Variants in ADNP observed in about 807,000 individuals in gnomAD.
ADNP encodes activity dependent neuroprotector homeobox.
A neutral mutation model predicts 84.9 loss-of-function variants in ADNP; 4 were observed. That is an observed-to-expected ratio of 0.05 (90% CI 0.02 to 0.11). The LOEUF (loss-of-function observed/expected upper bound fraction) is 0.11. Ranked by LOEUF, ADNP falls within the 10% of genes least tolerant of loss-of-function variation. The pLI is 1.00. For synonymous variants in ADNP, 554 were observed against 468.1 expected (o/e 1.18, Z -2.37); for missense variants, 1,132 against 1,326.0 (o/e 0.85, Z 2.27).
intron 2 of ADNP, among the ~76,000 whole-genome samples, chr20:50,926,644 T>G (rs964977390): frequency 6.6e-6 from 1 of 152,192 alleles, no homozygotes; most frequent in African/African-American, 2.4e-5. Context: ...TTTAATAATA[T>G]GACAATCATT....
intron 3 of ADNP, chr20:50,904,385 T>A (rs1322946116): frequency 5.9e-6 from 1 of 169,618 alleles, no homozygotes; most frequent in Admixed American, 5.9e-5. Context: ...CCAACTAATT[T>A]TTAAAATTTT....
chr20:50,918,576 C>T (rs1318439667), intron 2 of ADNP, among the ~76,000 whole-genome samples: 1 of 152,152 alleles, frequency 6.6e-6, no homozygotes, highest in Non-Finnish European at 1.5e-5. Context: ...TATTATATTA[C>T]TTTTGGCAAT....
intron 2 of ADNP, chr20:50,914,278 A>C: frequency 1.4e-6 from 1 of 702,554 alleles, no homozygotes; most frequent in Non-Finnish European, 2.6e-6. Context: ...TAAGAGTGGA[A>C]GAAGCAAAAC....
chr20:50,918,981 A>G (rs1398011599), intron 2 of ADNP, among the ~76,000 whole-genome samples: 2 of 152,312 alleles, frequency 1.3e-5, no homozygotes, highest in East Asian at 3.9e-4. Flanking sequence ...CTGTGACTTA[A>G]AAGTTTTATT....
intron 5 of ADNP, among the ~76,000 whole-genome samples, chr20:50,899,737 G>A (rs1175008496): frequency 1.3e-5 from 2 of 150,574 alleles, no homozygotes; most frequent in African/African-American, 4.9e-5. Flanking sequence ...ACCCTGTGTA[G>A]GCCTAGGCTA....
intron 5 of ADNP, among the ~76,000 whole-genome samples, chr20:50,896,969 T>C (rs1262881816): frequency 1.3e-5 from 2 of 152,242 alleles, no homozygotes; most frequent in African/African-American, 4.8e-5. Flanking sequence ...ATGCAGTTTT[T>C]TTGCTCTTGT....
intron 5 of ADNP, among the ~76,000 whole-genome samples, chr20:50,897,552 C>G (rs943828303): frequency 1.3e-5 from 2 of 152,302 alleles, no homozygotes. Context: ...AGATGCCATT[C>G]ATACACTCCT....
At chr20:50,901,434 T>C (rs1164645844) in intron 5 of ADNP, among the ~76,000 whole-genome samples, 1 of 149,068 alleles carries the variant, frequency 6.7e-6, no homozygotes, top group African/African-American at 2.5e-5. Context: ...ACTCCTAAAA[T>C]AGGTAATGGT....
At chr20:50,924,921 G>A (rs1459033114) in intron 2 of ADNP, among the ~76,000 whole-genome samples, 2 of 152,166 alleles carry the variant, frequency 1.3e-5, no homozygotes, top group South Asian at 2.1e-4. Flanking sequence ...ATTCAGAGCA[G>A]GCTTCCCTTT....
At chr20:50,899,488 G>C (rs1981744073) in intron 5 of ADNP, among the ~76,000 whole-genome samples, 1 of 152,142 alleles carries the variant, frequency 6.6e-6, no homozygotes, top group African/African-American at 2.4e-5. Context: ...TGGGATTATA[G>C]GCATGAGCCC....
At chr20:50,924,129 A>T (rs184251341) in intron 2 of ADNP, among the ~76,000 whole-genome samples, 1 of 152,238 alleles carries the variant, frequency 6.6e-6, no homozygotes, top group Admixed American at 6.5e-5. Flanking sequence ...AGAAAAAGAA[A>T]GGGTAAAAGC....
chr20:50,930,230 G>A (rs967553282), intron 1 of ADNP, among the ~76,000 whole-genome samples: 1 of 152,224 alleles, frequency 6.6e-6, no homozygotes, highest in African/African-American at 2.4e-5. Flanking sequence ...CCAGGCAGCT[G>A]AGATTGGGGA....
At chr20:50,908,549 C>T (rs1194914903) in intron 2 of ADNP, among the ~76,000 whole-genome samples, 6 of 151,980 alleles carry the variant, frequency 3.9e-5, no homozygotes, top group Admixed American at 6.5e-5. Flanking sequence ...CCAAGGCGGG[C>T]GAGTCACGAG....
At chr20:50,918,650 C>G (rs886457322) in intron 2 of ADNP, among the ~76,000 whole-genome samples, 1 of 152,168 alleles carries the variant, frequency 6.6e-6, no homozygotes, top group Non-Finnish European at 1.5e-5. Flanking sequence ...TTCAGTGAGA[C>G]GTTCAACTAC....
chr20:50,902,212 G>C (rs1251763172), intron 4 of ADNP, 103 bp from the exon 5 acceptor site: 1 of 785,208 alleles, frequency 1.3e-6, no homozygotes, highest in Non-Finnish European at 2.1e-6. Context: ...AGAGGCACAG[G>C]AAAACCAACG....
chr20:50,892,035 A>C lies in ADNP; in HGVS notation c.2679T>G (p.Phe893Leu), dbSNP rs1980810912. 1 of 1,614,192 alleles carries C rather than the reference A, an allele frequency of 6.2e-7. No homozygotes were observed. The highest frequency in any genetic ancestry group is 2.2e-5 in the East Asian group (1 of 44,894). Reference sequence around the variant, plus strand: ...TAGGTTCAACTTCAAAAACAGGGTCAAAAGGGCTACCACTTTCATTGGATT... The same window carrying C: ...TAGGTTCAACTTCAAAAACAGGGTCCAAAGGGCTACCACTTTCATTGGATT... ...EEESNESGSPFDPVFEVEPKI... is the reference protein window; with the variant it reads ...EEESNESGSPLDPVFEVEPKI... Residue 893 changes from phenylalanine to leucine, a missense_variant, in exon 6 of 6, where the codon TTT (phenylalanine) becomes TTG (leucine). This residue lies in a region of ADNP where 381 missense variants were observed against 319.9 expected (regional missense o/e 1.19). Transcript: ENST00000621696.
chr20:50,922,670 C>T (rs566615877), intron 2 of ADNP, among the ~76,000 whole-genome samples: 1 of 151,366 alleles, frequency 6.6e-6, no homozygotes, highest in South Asian at 2.1e-4. Flanking sequence ...ACCTCTGCCT[C>T]CCGGGTTTGA....
chr20:50,927,911 G>A (rs969808548), intron 2 of ADNP, among the ~76,000 whole-genome samples: 1 of 152,126 alleles, frequency 6.6e-6, no homozygotes, highest in African/African-American at 2.4e-5. Context: ...AAATTATATG[G>A]TCATTTTCAG....
At chr20:50,930,527 A>G (rs1984640098) in intron 1 of ADNP, among the ~76,000 whole-genome samples, 2 of 151,528 alleles carry the variant, frequency 1.3e-5, no homozygotes, top group South Asian at 4.2e-4. Flanking sequence ...TAGCTGCAAA[A>G]GCTCCGGGCG....
Sources: gnomAD v4.1 joint callset for allele counts (sites outside exome capture counted in the v4.1 genomes callset) on GRCh38, gnomAD v4.1.1 for gene constraint, gnomAD v4.1.1 regional missense constraint, MANE v1.5 for transcripts, NCBI Gene and HGNC (gene_info 2026-07-23, HGNC 2026-07-21) for gene names.